The following MSI2 variants were observed in gnomAD, a reference collection of about 807,000 sequenced individuals.
MSI2 encodes RNA-binding protein Musashi homolog 2.
In MSI2, 17 loss-of-function variants were observed where a neutral mutation model predicts 45.6. The ratio of observed to expected loss-of-function variants is 0.37; its 90% CI spans 0.26 to 0.56. The LOEUF is 0.56. MSI2 is among the 20% of genes least tolerant of loss of function. The pLI, the probability that MSI2 is intolerant of heterozygous loss-of-function variation, is 0.77. For missense variants in MSI2, 293 were observed against 444.2 expected (o/e 0.66, Z 3.06); for synonymous variants, 156 against 158.2 (o/e 0.99, Z 0.11).
intron 7 of MSI2, among the ~76,000 whole-genome samples, chr17:57,535,873 C>T (rs779143291): frequency 5.6e-4 from 86 of 152,290 alleles, no homozygotes; most frequent in Non-Finnish European, 1.0e-3. Flanking sequence ...TTTGCGTAAT[C>T]GGTTTATTTA....
chr17:57,476,207 T>C (rs1244514339), intron 6 of MSI2, among the ~76,000 whole-genome samples: 1 of 152,202 alleles, frequency 6.6e-6, no homozygotes, highest in East Asian at 1.9e-4. Flanking sequence ...CAGCTCCCTC[T>C]GGTTAATAGC....
intron 5 of MSI2, among the ~76,000 whole-genome samples, chr17:57,319,008 C>T (rs1908984627): frequency 6.6e-6 from 1 of 152,194 alleles, no homozygotes; most frequent in African/African-American, 2.4e-5. Flanking sequence ...TGTGTGGGCC[C>T]TGAAAGGACA....
At chr17:57,417,409 G>C (rs1284946856) in intron 6 of MSI2, among the ~76,000 whole-genome samples, 1 of 152,136 alleles carries the variant, frequency 6.6e-6, no homozygotes, top group Non-Finnish European at 1.5e-5. Context: ...GTCATCAGCT[G>C]CAGAGCAAGG....
Position 57,529,601 on chromosome 17 carries a change from C to G in MSI2, c.406-75C>G, listed in dbSNP as rs2086779455. 1.4e-6 allele frequency: 2 copies of G among 1,379,944 alleles called. No homozygotes were observed. Among genetic ancestry groups the G allele is most frequent in the Admixed American group, 3.5e-5 (2 of 57,552 alleles). 85.5% of individuals were successfully genotyped at this position (1,379,944 alleles called of 1,614,324 possible). ...TGTAATGGAAACTACCCCCTCACCC[C>G]CCGACATGCATATAATGTTTTGTGT... On this transcript the variant is annotated intron_variant, in intron 6 of 13. Transcript: ENST00000284073. This position sits in a 1 kb window ranked among gnomAD's most constrained non-coding sequence, Gnocchi z 5.3.
chr17:57,622,764 A>G (rs536149233), intron 9 of MSI2, among the ~76,000 whole-genome samples: 32 of 152,286 alleles, frequency 2.1e-4, no homozygotes, highest in African/African-American at 7.5e-4. Context: ...ACATATCTAC[A>G]CTCAATTTCG....
rs930439055 is a variant in MSI2 at position 57,632,493 on chromosome 17, G to T, written c.727+5190G>T. The T allele has an allele frequency of 1.9e-5, 20 of 1,066,188 alleles. No individual in the cohort carries two copies. In the African/African-American group the frequency reaches 3.1e-4, roughly 17 times the overall value. 66.0% of individuals were successfully genotyped at this position (1,066,188 alleles called of 1,614,324 possible). On this transcript the variant is annotated intron_variant, in intron 10 of 13. Transcript: ENST00000284073. Reference sequence around the variant, plus strand: ...CCACATGACAGGCACGGTGGGCACCGATCCACAGTGGGCCCCGCCTTCCCC... The same window carrying T: ...CCACATGACAGGCACGGTGGGCACCTATCCACAGTGGGCCCCGCCTTCCCC...
At chr17:57,574,917 G>A (rs926260311) in intron 7 of MSI2, among the ~76,000 whole-genome samples, 1 of 143,112 alleles carries the variant, frequency 7.0e-6, no homozygotes. Context: ...TGCAAGCTCC[G>A]CCTCCCGGGT....
At chr17:57,602,948 A>G (rs1390239215) in intron 8 of MSI2, among the ~76,000 whole-genome samples, 1 of 152,238 alleles carries the variant, frequency 6.6e-6, no homozygotes, top group African/African-American at 2.4e-5. Flanking sequence ...GCACCAGGCA[A>G]GGGCCACTGC....
At chr17:57,509,206 G>A (rs866911090) in intron 6 of MSI2, among the ~76,000 whole-genome samples, 4 of 152,162 alleles carry the variant, frequency 2.6e-5, no homozygotes, top group African/African-American at 9.7e-5. Context: ...GCACCGAAGT[G>A]TTCTGATAAA....
In MSI2 at chr17:57,407,893, G is replaced by GGCAA. The variant is rs746429271; in HGVS notation, c.405+6422_405+6423insGCAA. On this transcript the variant is annotated intron_variant, in intron 6 of 13. Coordinates refer to ENST00000284073, the MANE Select transcript of MSI2 (RefSeq NM_138962.4). The surrounding 1 kb of genome is among the most constrained non-coding windows in gnomAD (Gnocchi z 4.1). ...CTGGAAGTGTGTCATAAGGGGAGGGGACTTTATTTGCCCCCTGACCCCTGG... is the reference window on the plus strand; with the variant it reads ...CTGGAAGTGTGTCATAAGGGGAGGGGGCAAACTTTATTTGCCCCCTGACCCCTGG... Among the ~76,000 whole-genome samples the GGCAA allele has an allele frequency of 1.3e-3, 205 of 152,292 alleles. 2 individuals carry two copies. The highest frequency in any genetic ancestry group is 3.2e-3 in the Admixed American group (49 of 15,300).
chr17:57,587,306 C>T (rs766394642), intron 7 of MSI2, among the ~76,000 whole-genome samples: 22 of 152,192 alleles, frequency 1.4e-4, no homozygotes, highest in Non-Finnish European at 2.6e-4. Context: ...TGGCGCCTGA[C>T]TTTTAGAAGG....
At chr17:57,397,801 T>C (rs1297682828) in intron 5 of MSI2, among the ~76,000 whole-genome samples, 1 of 152,186 alleles carries the variant, frequency 6.6e-6, no homozygotes, top group African/African-American at 2.4e-5. Context: ...GCCGAGACAC[T>C]GGTGAGCAGC....
intron 11 of MSI2, among the ~76,000 whole-genome samples, chr17:57,671,804 C>T (rs1288513430): frequency 1.3e-5 from 2 of 152,252 alleles, no homozygotes; most frequent in Admixed American, 6.5e-5. Flanking sequence ...GAGTGGCAGT[C>T]CCCATTCTCT....
intron 5 of MSI2, among the ~76,000 whole-genome samples, chr17:57,390,197 G>A (rs2083762408): frequency 6.6e-6 from 1 of 152,210 alleles, no homozygotes. Context: ...TAAGGCTGCA[G>A]TGAGCTATAG....
At chr17:57,360,899 A>G (rs1303282450) in intron 5 of MSI2, among the ~76,000 whole-genome samples, 1 of 152,232 alleles carries the variant, frequency 6.6e-6, no homozygotes, top group Non-Finnish European at 1.5e-5. Flanking sequence ...CGTAGATGCC[A>G]CATGGTTAAG....
At chr17:57,445,687 T>C (rs1180561920) in intron 6 of MSI2, among the ~76,000 whole-genome samples, 1 of 152,196 alleles carries the variant, frequency 6.6e-6, no homozygotes, top group Non-Finnish European at 1.5e-5. Context: ...ACAGTGTTTA[T>C]AAGCCGTTTA....
intron 6 of MSI2, among the ~76,000 whole-genome samples, chr17:57,518,926 GCTCT>G (rs1260801648): frequency 6.6e-6 from 1 of 152,068 alleles, no homozygotes; most frequent in Non-Finnish European, 1.5e-5. Context: ...TCCTCAAACA[GCTCT>G]CTCTCTCAGT....
chr17:57,658,304 G>C (rs1226320078), intron 11 of MSI2, among the ~76,000 whole-genome samples: 5 of 152,232 alleles, frequency 3.3e-5, no homozygotes, highest in Non-Finnish European at 5.9e-5. Flanking sequence ...ACTAGGGCCA[G>C]CCACCACAAC....
At chr17:57,422,969 AG>A (rs1246026616) in intron 6 of MSI2, among the ~76,000 whole-genome samples, 5 of 152,138 alleles carry the variant, frequency 3.3e-5, no homozygotes, top group African/African-American at 1.2e-4. Context: ...GTGACACTTC[AG>A]GAGGCTCCAG....
Sources: allele counts gnomAD v4.1 joint callset (sites outside exome capture counted in the v4.1 genomes callset), GRCh38; gene constraint gnomAD v4.1.1; non-coding constraint Gnocchi (gnomAD v3.1); transcripts MANE v1.5; gene names NCBI Gene and HGNC (gene_info 2026-07-23, HGNC 2026-07-21).